The following USH2A variants were observed in gnomAD, a reference collection of about 807,000 sequenced individuals.
USH2A encodes the protein Usher syndrome 2A (autosomal recessive, mild).
USH2A carries 443 observed loss-of-function variants against 538.9 expected under a neutral mutation model. That is an observed-to-expected ratio of 0.82 (90% CI 0.76 to 0.89). The LOEUF is 0.89. Among genes scored for constraint, USH2A ranks in the 40% least tolerant of loss-of-function variants. The probability of loss-of-function intolerance (pLI) is 0.00; values close to 1 mark genes in which losing one functional copy is unlikely to be tolerated. For missense variants in USH2A, 6,633 were observed against 6,324.8 expected (o/e 1.05, Z -1.65); for synonymous variants, 2,413 against 2,273.5 (o/e 1.06, Z -1.75).
At chr1:215,750,295 T>C (rs1477447583) in intron 58 of USH2A, among the ~76,000 whole-genome samples, 1 of 152,116 alleles carries the variant, frequency 6.6e-6, no homozygotes. Context: ...AATTTAACAT[T>C]GGTTGTATAA....
chr1:216,372,665 A>G (rs1407608487), intron 3 of USH2A, among the ~76,000 whole-genome samples: 6 of 152,154 alleles, frequency 3.9e-5, no homozygotes, highest in African/African-American at 1.4e-4. Flanking sequence ...TGCCAAAAAA[A>G]AGCTATTAAT....
At chr1:216,370,607 G>A (rs1288872116) in intron 3 of USH2A, among the ~76,000 whole-genome samples, 1 of 144,194 alleles carries the variant, frequency 6.9e-6, no homozygotes, top group Non-Finnish European at 1.5e-5. Flanking sequence ...AAACCCGGGA[G>A]GCGGAGGTTG....
At position 216,029,823 on chromosome 1, in the gene USH2A, T is replaced by A. The variant is rs557175157; in HGVS notation, c.6325+16608A>T. ...GGTCATGATGCGTTGTTAATGGTAT[T>A]AGGAGGGCCCTGTTATGATGTCCTA... On this transcript the variant is annotated intron_variant, in intron 32 of 71. Transcript: ENST00000307340. Among the ~76,000 whole-genome samples, 4 of 151,618 alleles carry A rather than the reference T, an allele frequency of 2.6e-5. No homozygotes were observed. In the East Asian group the frequency reaches 7.7e-4, roughly 29 times the overall value.
intron 60 of USH2A, among the ~76,000 whole-genome samples, chr1:215,738,971 C>A (rs1247768775): frequency 1.3e-5 from 2 of 152,076 alleles, no homozygotes; most frequent in East Asian, 3.9e-4. Context: ...TTATTTTTTG[C>A]AGCTATCTAA....
At chr1:216,364,397 A>G (rs764747527) in intron 4 of USH2A, among the ~76,000 whole-genome samples, 3 of 152,208 alleles carry the variant, frequency 2.0e-5, no homozygotes, top group Non-Finnish European at 4.4e-5. Context: ...TATATTTGAA[A>G]GCTTCCCAAA....
At chr1:215,735,635 T>C (rs571345545) in intron 60 of USH2A, among the ~76,000 whole-genome samples, 1 of 152,290 alleles carries the variant, frequency 6.6e-6, no homozygotes, top group African/African-American at 2.4e-5. Context: ...ACTGATAGCC[T>C]AATATTTGGA....
chr1:215,680,229 A>G lies in USH2A; in HGVS notation c.12214T>C (p.Phe4072Leu). Reference protein sequence around the residue: ...LESSPSGLRNFIVEQKENGRA... With the variant: ...LESSPSGLRNLIVEQKENGRA... ...CCATTCTCTTTCTGTTCTACTATAA[A>G]GTTTCTCAGTCCACTTGGGGAAGAT... Residue 4072 changes from phenylalanine (F) to leucine (L), a missense_variant, in exon 62 of 72, where the codon TTT (phenylalanine) becomes CTT (leucine). Transcript: ENST00000307340. The G allele has an allele frequency of 1.9e-6, 3 of 1,614,094 alleles. No homozygotes were observed. Among genetic ancestry groups the G allele is most frequent in the Non-Finnish European group, 2.5e-6 (3 of 1,180,006 alleles).
intron 11 of USH2A, among the ~76,000 whole-genome samples, chr1:216,288,335 A>C (rs1407873050): frequency 6.6e-6 from 1 of 152,116 alleles, no homozygotes; most frequent in Non-Finnish European, 1.5e-5. Context: ...CTTTCTAATG[A>C]AGCATGTAAT....
In USH2A at chr1:216,176,213, A is replaced by C. The variant is rs536878378; in HGVS notation, c.4397-731T>G. On this transcript the variant is annotated intron_variant, in intron 20 of 71. Transcript: ENST00000307340. ...ACGGCTACACCATAGGCAATGTGCC[A>C]GGGGTAACCTTTATTTATTTTTTTT... Among the ~76,000 whole-genome samples, 278 of 152,006 alleles carry C rather than the reference A, an allele frequency of 1.8e-3. 3 individuals carry two copies. The highest frequency in any genetic ancestry group is 6.6e-3 in the African/African-American group (272 of 41,430).
chr1:216,229,045 G>T (rs1191673147), intron 14 of USH2A, among the ~76,000 whole-genome samples: 3 of 151,892 alleles, frequency 2.0e-5, no homozygotes, highest in African/African-American at 2.4e-5. Flanking sequence ...ATGGTGGCAT[G>T]CACCTGTAAT....
At chr1:216,190,677 G>A (rs966525572) in intron 19 of USH2A, among the ~76,000 whole-genome samples, 5 of 151,980 alleles carry the variant, frequency 3.3e-5, no homozygotes, top group South Asian at 4.2e-4. Flanking sequence ...AGATAAAGAC[G>A]GTGACATTGT....
In USH2A at chr1:215,623,721, C is replaced by A. The variant is rs1655890323; in HGVS notation, c.*2060G>T. ...ATTAGATGATTAAATGGATAATGATCCAAGATAAAATCCCCTGCAGTTCTG... is the reference window on the plus strand; with the variant it reads ...ATTAGATGATTAAATGGATAATGATACAAGATAAAATCCCCTGCAGTTCTG... On this transcript the variant is annotated 3_prime_UTR_variant, in exon 72 of 72. Coordinates refer to ENST00000307340, the MANE Select transcript of USH2A (RefSeq NM_206933.4). 6.6e-6 allele frequency: 1 copy of A among 152,030 alleles called. No individual in the cohort carries two copies. Among genetic ancestry groups the A allele is most frequent in the African/African-American group, 2.4e-5 (1 of 41,420 alleles). The allele number at this position is 152,030 out of a possible 1,614,324, so 9.4% of individuals were successfully genotyped here. A position where few individuals can be genotyped will look rare whatever the true frequency, so the allele number is the denominator to read the frequency against.
At chr1:215,938,444 T>C (rs1343397438) in intron 37 of USH2A, among the ~76,000 whole-genome samples, 1 of 152,144 alleles carries the variant, frequency 6.6e-6, no homozygotes, top group East Asian at 1.9e-4. Flanking sequence ...ATGCTTGTGC[T>C]CAGGTTCCTC....
rs1161018006 is a variant in USH2A at position 216,050,622 on chromosome 1, TGA to T, written c.6050-1977_6050-1976del. On this transcript the variant is annotated intron_variant, in intron 30 of 71. Transcript: ENST00000307340. The stretch of plus-strand genomic sequence containing the variant: ...TTTCTTTCTTTTTTTTTTTTTTTTT[TGA>T]GACAGAGTCTCGCTCAGTTGCCCAG... 2.5e-4 allele frequency among the ~76,000 whole-genome samples: 27 copies of T among 106,686 alleles called. 1 individual carries two copies. The highest frequency in any genetic ancestry group is 5.7e-4 in the African/African-American group (19 of 33,602). 70.0% of individuals were successfully genotyped at this position (106,686 alleles called of 152,430 possible). A position where few individuals can be genotyped will look rare whatever the true frequency, so the allele number is the denominator to read the frequency against.
intron 56 of USH2A, among the ~76,000 whole-genome samples, chr1:215,761,192 C>G (rs986262211): frequency 2.6e-5 from 4 of 152,114 alleles, no homozygotes; most frequent in African/African-American, 9.7e-5. Context: ...GACATTTTTG[C>G]ATTTTGTTCT....
intron 63 of USH2A, among the ~76,000 whole-genome samples, chr1:215,671,790 G>A (rs773170879): frequency 7.2e-5 from 11 of 152,042 alleles, no homozygotes; most frequent in Non-Finnish European, 1.3e-4. Flanking sequence ...TTTGCAGCTA[G>A]AGCTAAATGA....
intron 23 of USH2A, among the ~76,000 whole-genome samples, 195 bp downstream of exon 23, chr1:216,088,818 A>AAGAC (rs2032212103): frequency 6.6e-6 from 1 of 152,192 alleles, no homozygotes; most frequent in Non-Finnish European, 1.5e-5. Flanking sequence ...TTCTTTACCA[A>AAGAC]AGACCTTCAT....
At chr1:216,393,636 T>C (rs1280134388) in intron 3 of USH2A, among the ~76,000 whole-genome samples, 1 of 151,934 alleles carries the variant, frequency 6.6e-6, no homozygotes, top group Non-Finnish European at 1.5e-5. Context: ...ACACTGAAAA[T>C]TAAAAAAAAT....
chr1:215,991,338 A>G (rs1416919313), intron 35 of USH2A, among the ~76,000 whole-genome samples: 1 of 152,130 alleles, frequency 6.6e-6, no homozygotes, highest in African/African-American at 2.4e-5. Context: ...GTATTTGAGG[A>G]GAGGTGTGGG....
Sources: allele counts gnomAD v4.1 joint callset (sites outside exome capture counted in the v4.1 genomes callset), GRCh38; gene constraint gnomAD v4.1.1; transcripts MANE v1.5; gene names NCBI Gene and HGNC (gene_info 2026-07-23, HGNC 2026-07-21).